SOS1: variants seen among roughly 807,000 people sequenced by gnomAD.
SOS1 encodes the protein son of sevenless homolog 1.
SOS1 carries 25 observed loss-of-function variants against 157.6 expected under a neutral mutation model. The observed-to-expected ratio is 0.16, with a 90% CI of 0.12 to 0.22. The LOEUF is 0.22. Ranked by LOEUF, SOS1 falls within the 10% of genes least tolerant of loss-of-function variation. SOS1 has a pLI of 1.00. For synonymous variants in SOS1, 528 were observed against 534.0 expected (o/e 0.99, Z 0.16); for missense variants, 1,237 against 1,599.1 (o/e 0.77, Z 3.86).
At chr2:39,086,621 T>C (rs749383494) in intron 1 of SOS1, among the ~76,000 whole-genome samples, 1 of 152,196 alleles carries the variant, frequency 6.6e-6, no homozygotes, top group Non-Finnish European at 1.5e-5. Flanking sequence ...TCCCCGACAA[T>C]TCCATGTTGG....
rs1219150619 is a variant in SOS1, at chr2:38,983,953, T to C, written c.*1871A>G. ...GAATGGTACAGATATTGAGAAAGGA[T>C]TCAATTCTAACAAATAAATAAGAAA... is the stretch of plus-strand genomic sequence containing the variant. On this transcript the variant is annotated 3_prime_UTR_variant, in exon 23 of 23. Coordinates refer to ENST00000402219, the MANE Select transcript of SOS1 (RefSeq NM_005633.4). The C allele has an allele frequency of 6.6e-6, 1 of 152,156 alleles. No homozygotes were observed. The highest frequency in any genetic ancestry group is 1.5e-5 in the Non-Finnish European group (1 of 68,014). The allele number at this position is 152,156 out of a possible 1,614,324, so 9.4% of individuals were successfully genotyped here. A position where few individuals can be genotyped will look rare whatever the true frequency, so the allele number is the denominator to read the frequency against.
At chr2:39,105,268 A>AT (rs1015300891) in intron 1 of SOS1, among the ~76,000 whole-genome samples, 2 of 150,774 alleles carry the variant, frequency 1.3e-5, no homozygotes, top group Non-Finnish European at 3.0e-5. Flanking sequence ...CTTGTTTTTC[A>AT]TTTTTTTTTA....
intron 1 of SOS1, among the ~76,000 whole-genome samples, chr2:39,111,097 G>T (rs949281376): frequency 1.1e-4 from 17 of 152,226 alleles, no homozygotes; most frequent in Middle Eastern, 6.3e-3. Context: ...TCCAGGTGTG[G>T]TGGCACATGC....
chr2:39,101,489 T>C (rs1357783567), intron 1 of SOS1, among the ~76,000 whole-genome samples: 1 of 152,184 alleles, frequency 6.6e-6, no homozygotes, highest in Admixed American at 6.5e-5. Context: ...ACTTTATGCA[T>C]AGCATTATAT....
chr2:39,123,691 T>C (rs1673975777), upstream of SOS1, among the ~76,000 whole-genome samples: 1 of 152,174 alleles, frequency 6.6e-6, no homozygotes, highest in South Asian at 2.1e-4. Context: ...CGTTCTTCAT[T>C]GGTTTTAATC....
At chr2:39,021,125 A>G (rs1669781279) in intron 10 of SOS1, among the ~76,000 whole-genome samples, 1 of 151,732 alleles carries the variant, frequency 6.6e-6, no homozygotes, top group Non-Finnish European at 1.5e-5. Context: ...ATTGATATAG[A>G]AAAGAAGTAT....
intron 1 of SOS1, among the ~76,000 whole-genome samples, chr2:39,103,328 C>T (rs567787910): frequency 3.4e-4 from 51 of 151,866 alleles, no homozygotes; most frequent in Non-Finnish European, 6.5e-4. Context: ...CACAGAGCTG[C>T]AAGGGACACT....
chr2:39,041,329 G>A (rs1385141310), intron 6 of SOS1, among the ~76,000 whole-genome samples: 1 of 152,148 alleles, frequency 6.6e-6, no homozygotes, highest in Non-Finnish European at 1.5e-5. Context: ...ATTTTTTAAT[G>A]TACCATGTTG....
chr2:39,062,134 T>G (rs895742131), intron 2 of SOS1, among the ~76,000 whole-genome samples: 3 of 151,856 alleles, frequency 2.0e-5, no homozygotes, highest in African/African-American at 7.2e-5. Flanking sequence ...TTATAGGGAC[T>G]TGGCTGGGCG....
At chr2:39,046,635 G>C (rs1004740712) in intron 6 of SOS1, among the ~76,000 whole-genome samples, 8 of 151,732 alleles carry the variant, frequency 5.3e-5, no homozygotes, top group Admixed American at 5.3e-4. Context: ...CTCCCAAGTA[G>C]CTGGGACTAC....
At chr2:38,994,769 G>A (rs964412113) in intron 20 of SOS1, among the ~76,000 whole-genome samples, 10 of 152,196 alleles carry the variant, frequency 6.6e-5, no homozygotes, top group Middle Eastern at 3.2e-3. Flanking sequence ...GAGCCAGGCA[G>A]CATTTGAAAC....
chr2:39,039,980 T>C (rs1294005016), intron 6 of SOS1, among the ~76,000 whole-genome samples: 5 of 152,176 alleles, frequency 3.3e-5, no homozygotes, highest in African/African-American at 1.2e-4. Flanking sequence ...TTCATCCATG[T>C]TGTAGCATGT....
chr2:39,090,142 A>G (rs1672538597), intron 1 of SOS1, among the ~76,000 whole-genome samples: 1 of 97,474 alleles, frequency 1.0e-5, no homozygotes, highest in Non-Finnish European at 1.8e-5. Context: ...CCTGTCTCAA[A>G]AAAAAAAAAA....
chr2:38,991,312 C>A (rs922205105), intron 20 of SOS1, among the ~76,000 whole-genome samples: 2 of 152,010 alleles, frequency 1.3e-5, no homozygotes, highest in Admixed American at 1.3e-4. Flanking sequence ...AACTCATCAC[C>A]TACAGCAATC....
In SOS1 at chr2:39,051,234, C is replaced by G. The variant is rs1671006816; in HGVS notation, c.774G>C (p.Lys258Asn). 6.2e-7 allele frequency: 1 copy of G among 1,612,354 alleles called. No individual in the cohort carries two copies. The highest frequency in any genetic ancestry group is 1.1e-5 in the South Asian group (1 of 91,060). Reference protein sequence around the residue: ...RIVDIHELSVKLLGHIEDTVE... With the variant: ...RIVDIHELSVNLLGHIEDTVE... ...CTGTATCTTCTATATGGCCCAGTAACTTTACACTAAGTTCATGTATATCTA... is the reference window on the plus strand; with the variant it reads ...CTGTATCTTCTATATGGCCCAGTAAGTTTACACTAAGTTCATGTATATCTA... The change falls in exon 6 of 23, where the codon AAG becomes AAC. Residue 258 changes from lysine (K) to asparagine (N), a missense_variant. By Grantham distance (94) the Lys-to-Asn change is moderately conservative. Transcript: ENST00000402219.
At chr2:39,067,895 G>A in intron 1 of SOS1, 142 bp from the exon 2 acceptor site, 1 of 718,152 alleles carries the variant, frequency 1.4e-6, no homozygotes, top group Non-Finnish European at 2.5e-6. Context: ...AAGGCGGGCA[G>A]ATCACCTGAG....
intron 1 of SOS1, among the ~76,000 whole-genome samples, chr2:39,092,450 G>C (rs952161718): frequency 3.3e-5 from 5 of 152,098 alleles, no homozygotes; most frequent in South Asian, 2.1e-4. Context: ...GGCTGTCCTC[G>C]ACCATTATTT....
chr2:39,025,616 TC>T (rs964996356), intron 8 of SOS1, among the ~76,000 whole-genome samples: 2 of 152,062 alleles, frequency 1.3e-5, no homozygotes, highest in Non-Finnish European at 2.9e-5. Context: ...TGCTTCGGCC[TC>T]CCAAAGTGCT....
chr2:39,076,516 T>G (rs1173865691), intron 1 of SOS1, among the ~76,000 whole-genome samples: 1 of 152,210 alleles, frequency 6.6e-6, no homozygotes, highest in East Asian at 1.9e-4. Context: ...AGTAAATCTT[T>G]TGTGATTCTC....
Sources: gnomAD v4.1 joint callset for allele counts (sites outside exome capture counted in the v4.1 genomes callset) on GRCh38, gnomAD v4.1.1 for gene constraint, MANE v1.5 for transcripts, NCBI Gene and HGNC (gene_info 2026-07-23, HGNC 2026-07-21) for gene names.